Variants in SPOCK1 observed in about 807,000 individuals in gnomAD.
The protein encoded by SPOCK1 is testican-1.
SPOCK1 carries 23 observed loss-of-function variants against 55.3 expected under a neutral mutation model. The observed-to-expected ratio is 0.42, with a 90% CI of 0.30 to 0.59. SPOCK1 has a LOEUF of 0.59. SPOCK1 is among the 20% of genes least tolerant of loss of function. SPOCK1 has a pLI of 0.22. For synonymous variants in SPOCK1, 226 were observed against 221.0 expected (o/e 1.02, Z -0.20); for missense variants, 499 against 552.5 (o/e 0.90, Z 0.97).
chr5:137,224,286 A>G (rs986009512), intron 3 of SPOCK1, among the ~76,000 whole-genome samples: 9 of 152,264 alleles, frequency 5.9e-5, no homozygotes, highest in Admixed American at 4.6e-4. Context: ...GATGTCTCCA[A>G]TATAAATCTG....
intron 6 of SPOCK1, among the ~76,000 whole-genome samples, chr5:137,003,298 C>T (rs915969622): frequency 6.6e-6 from 1 of 152,082 alleles, no homozygotes; most frequent in Non-Finnish European, 1.5e-5. Flanking sequence ...ACTCAGGAGG[C>T]TGAGGCAGGA....
chr5:137,248,963 T>C (rs763187847), intron 3 of SPOCK1, among the ~76,000 whole-genome samples: 5 of 152,224 alleles, frequency 3.3e-5, no homozygotes, highest in Non-Finnish European at 7.3e-5. Context: ...TTTAAACAGA[T>C]GTCAAAGATC....
intron 6 of SPOCK1, among the ~76,000 whole-genome samples, chr5:136,997,291 T>G (rs1304899396): frequency 2.6e-5 from 4 of 152,104 alleles, no homozygotes; most frequent in African/African-American, 9.7e-5. Context: ...AGTGAAAAAG[T>G]TCACTGCTTC....
At chr5:137,081,524 G>A (rs904168719) in intron 5 of SPOCK1, among the ~76,000 whole-genome samples, 1 of 152,122 alleles carries the variant, frequency 6.6e-6, no homozygotes, top group Non-Finnish European at 1.5e-5. Flanking sequence ...CTTTACTTCT[G>A]CACTTCAGCC....
At chr5:137,352,165 A>G (rs1435146452) in intron 2 of SPOCK1, among the ~76,000 whole-genome samples, 1 of 152,246 alleles carries the variant, frequency 6.6e-6, no homozygotes, top group Non-Finnish European at 1.5e-5. Context: ...AAAATTGTAG[A>G]GAAATATCTA....
intron 2 of SPOCK1, among the ~76,000 whole-genome samples, chr5:137,394,551 T>C (rs1175366428): frequency 6.6e-6 from 1 of 152,210 alleles, no homozygotes; most frequent in Non-Finnish European, 1.5e-5. Flanking sequence ...GCATTAGTGC[T>C]GGTGACCACA....
At chr5:137,146,866 A>G (rs1754206042) in intron 3 of SPOCK1, among the ~76,000 whole-genome samples, 1 of 152,164 alleles carries the variant, frequency 6.6e-6, no homozygotes, top group Non-Finnish European at 1.5e-5. Flanking sequence ...TAGGGCAGAG[A>G]GCAGAGTGGC....
At chr5:137,364,831 T>G (rs1751022444) in intron 2 of SPOCK1, 4 of 152,238 alleles carry the variant, frequency 2.6e-5, no homozygotes, top group Admixed American at 2.6e-4. Flanking sequence ...TGTCACTTAT[T>G]ACCATGTGGC....
chr5:137,111,714 C>T (rs1329235299), intron 5 of SPOCK1, among the ~76,000 whole-genome samples: 1 of 152,108 alleles, frequency 6.6e-6, no homozygotes, highest in Admixed American at 6.5e-5. Context: ...TGCCTCCCTG[C>T]CTGTAAATCC....
chr5:137,165,461 A>C (rs1382999741), intron 3 of SPOCK1, among the ~76,000 whole-genome samples: 2 of 152,226 alleles, frequency 1.3e-5, no homozygotes, highest in Non-Finnish European at 2.9e-5. Context: ...AAACAAGCCC[A>C]GACTGCAAAG....
chr5:136,978,116 G>A lies in SPOCK1; in HGVS notation c.*538C>T. ...TTGTTTATAGGAAGCCAGATATAAT[G>A]ATGTGAAAAAAACTAATTTTTAATA... On this transcript the variant is annotated 3_prime_UTR_variant, in exon 11 of 11. Coordinates refer to ENST00000394945, the MANE Select transcript of SPOCK1 (RefSeq NM_004598.4). 3 of 395,410 alleles carry A rather than the reference G, an allele frequency of 7.6e-6. No homozygotes were observed. The highest frequency in any genetic ancestry group is 6.4e-4 in the Middle Eastern group (1 of 1,572). The allele number at this position is 395,410 out of a possible 1,614,324, so 24.5% of individuals were successfully genotyped here.
chr5:137,144,209 A>T (rs559449047), intron 3 of SPOCK1, among the ~76,000 whole-genome samples: 1 of 152,016 alleles, frequency 6.6e-6, no homozygotes, highest in African/African-American at 2.4e-5. Flanking sequence ...CCATCCCCCA[A>T]CTGAGTCAAA....
intron 2 of SPOCK1, among the ~76,000 whole-genome samples, chr5:137,346,295 A>G (rs557028292): frequency 6.6e-6 from 1 of 152,180 alleles, no homozygotes; most frequent in East Asian, 1.9e-4. Flanking sequence ...AGCTGGGGTC[A>G]CAGAACAGGA....
At chr5:137,219,262 G>A (rs1755800959) in intron 3 of SPOCK1, among the ~76,000 whole-genome samples, 1 of 152,178 alleles carries the variant, frequency 6.6e-6, no homozygotes, top group African/African-American at 2.4e-5. Context: ...TAAGTAAGCA[G>A]GATTCTGGCA....
chr5:137,376,709 T>G (rs1164928041), intron 2 of SPOCK1, among the ~76,000 whole-genome samples: 1 of 151,820 alleles, frequency 6.6e-6, no homozygotes, highest in Admixed American at 6.6e-5. Flanking sequence ...CAGGCTCTTG[T>G]TTTTTTTCTC....
chr5:137,433,775 A>G (rs553629137), intron 2 of SPOCK1, among the ~76,000 whole-genome samples: 12 of 152,204 alleles, frequency 7.9e-5, no homozygotes, highest in Non-Finnish European at 1.2e-4. Flanking sequence ...CTCCCAGGAC[A>G]ACTTGAACTC....
At chr5:137,389,252 A>G (rs1751661958) in intron 2 of SPOCK1, among the ~76,000 whole-genome samples, 1 of 152,138 alleles carries the variant, frequency 6.6e-6, no homozygotes, top group African/African-American at 2.4e-5. Flanking sequence ...TTCCAAGAAC[A>G]CCTTGTCCTG....
chr5:137,253,370 TTTAC>T (rs977908911), intron 3 of SPOCK1, among the ~76,000 whole-genome samples: 2 of 152,214 alleles, frequency 1.3e-5, no homozygotes, highest in African/African-American at 4.8e-5. Flanking sequence ...ATTGACCTAA[TTTAC>T]TTATTAGATA....
intron 5 of SPOCK1, among the ~76,000 whole-genome samples, chr5:137,079,509 G>T (rs916142139): frequency 9.6e-5 from 14 of 145,634 alleles, no homozygotes; most frequent in Non-Finnish European, 1.9e-4. Context: ...AGCTTTGACT[G>T]TCTCTCCTAC....
Sources: allele counts gnomAD v4.1 joint callset (sites outside exome capture counted in the v4.1 genomes callset), GRCh38; gene constraint gnomAD v4.1.1; transcripts MANE v1.5; gene names NCBI Gene and HGNC (gene_info 2026-07-23, HGNC 2026-07-21).